The following PCBP3 variants were observed in gnomAD, a reference collection of about 807,000 sequenced individuals.
The protein encoded by PCBP3 is poly(rC)-binding protein 3.
PCBP3 carries 25 observed loss-of-function variants against 52.7 expected under a neutral mutation model. The observed-to-expected ratio is 0.47, with a 90% CI of 0.35 to 0.66. PCBP3 has a LOEUF of 0.66. Among genes scored for constraint, PCBP3 ranks in the 30% least tolerant of loss-of-function variants. The pLI, the probability that PCBP3 is intolerant of heterozygous loss-of-function variation, is 0.01. For missense variants in PCBP3, 391 were observed against 490.3 expected, an observed-to-expected ratio of 0.80 and a Z score of 1.91; for synonymous variants, 162 against 183.0, an observed-to-expected ratio of 0.89 and a Z score of 0.93.
intron 4 of PCBP3, among the ~76,000 whole-genome samples, chr21:45,826,805 C>A (rs2093320445): frequency 6.6e-6 from 1 of 152,208 alleles, no homozygotes. Flanking sequence ...AAACTCTGTT[C>A]TCTCTAACCA....
chr21:45,786,303 T>C (rs2146249269), intron 4 of PCBP3, among the ~76,000 whole-genome samples: 1 of 143,692 alleles, frequency 7.0e-6, no homozygotes, highest in East Asian at 2.1e-4. Context: ...TTTTTTTTTC[T>C]TTTTGAGATG....
At position 45,851,236 on chromosome 21, in the gene PCBP3, C is replaced by T. The variant is rs543210374; in HGVS notation, c.10+1141C>T. On this transcript the variant is annotated intron_variant, in intron 5 of 17. Coordinates refer to ENST00000681687, the MANE Select transcript of PCBP3 (RefSeq NM_001384156.1). ...CTTTGGTTAAAGAAAGTGGAAGGGC[C>T]GGGCGTGGTGGCTCACGCCTGTAAT... Among the ~76,000 whole-genome samples the T allele has an allele frequency of 7.9e-5, 12 of 152,258 alleles. No homozygotes were observed. The East Asian group carries it at 1.2e-3, about 15-fold the overall frequency.
chr21:45,839,492 C>G (rs1365612699), intron 4 of PCBP3, among the ~76,000 whole-genome samples: 1 of 152,162 alleles, frequency 6.6e-6, no homozygotes, highest in East Asian at 1.9e-4. Flanking sequence ...ATGGGCTCAT[C>G]AGAAAAATAT....
chr21:45,831,626 T>C (rs2093452512), intron 4 of PCBP3, among the ~76,000 whole-genome samples: 1 of 152,042 alleles, frequency 6.6e-6, no homozygotes, highest in Admixed American at 6.5e-5. Context: ...TGGAAGGGGG[T>C]CCCGATCCAG....
At chr21:45,816,140 A>AGTGGTGAGTCAGTGGTGAGTGGTGAGTG (rs1238383498) in intron 4 of PCBP3, among the ~76,000 whole-genome samples, 1 of 150,460 alleles carries the variant, frequency 6.6e-6, no homozygotes, top group African/African-American at 2.5e-5. Flanking sequence ...GTGGTGGGTG[A>AGTGGTGAGTCAGTGGTGAGTGGTGAGTG]GTGAGTGATG....
At chr21:45,810,316 G>A (rs960362156) in intron 4 of PCBP3, among the ~76,000 whole-genome samples, 63 of 151,848 alleles carry the variant, frequency 4.1e-4, no homozygotes, top group African/African-American at 1.3e-3. Flanking sequence ...CTCAGCTCAC[G>A]GCAGTCTCAG....
At chr21:45,777,031 C>A (rs547555111) in intron 4 of PCBP3, among the ~76,000 whole-genome samples, 1 of 152,216 alleles carries the variant, frequency 6.6e-6, no homozygotes, top group South Asian at 2.1e-4. Flanking sequence ...CATGTATTTT[C>A]ATGTTGGTAA....
intron 3 of PCBP3, among the ~76,000 whole-genome samples, chr21:45,740,934 G>T (rs901237795): frequency 3.5e-4 from 54 of 152,330 alleles, no homozygotes; most frequent in African/African-American, 1.2e-3. Flanking sequence ...TGGAAAGCTT[G>T]TCTGAGAAGG....
chr21:45,882,235 G>A (rs1419035479), intron 5 of PCBP3, among the ~76,000 whole-genome samples: 3 of 152,140 alleles, frequency 2.0e-5, no homozygotes, highest in Non-Finnish European at 4.4e-5. Context: ...GGTATGAGCC[G>A]ATATCCCATT....
chr21:45,694,617 G>A (rs866697977), intron 2 of PCBP3, among the ~76,000 whole-genome samples: 3 of 152,134 alleles, frequency 2.0e-5, no homozygotes, highest in African/African-American at 7.2e-5. Context: ...CACAATCATA[G>A]TTGAAAACTT....
chr21:45,867,695 G>A (rs1349931628), intron 5 of PCBP3, among the ~76,000 whole-genome samples: 2 of 152,278 alleles, frequency 1.3e-5, no homozygotes, highest in Non-Finnish European at 2.9e-5. Flanking sequence ...TGCGCCCATC[G>A]TGGAGACGGA....
intron 5 of PCBP3, among the ~76,000 whole-genome samples, chr21:45,864,987 C>T (rs1326648751): frequency 6.6e-6 from 1 of 152,226 alleles, no homozygotes; most frequent in East Asian, 1.9e-4. Flanking sequence ...CCACCAACTA[C>T]AGCCTTCAAA....
chr21:45,747,613 G>A (rs1193343093), intron 3 of PCBP3, among the ~76,000 whole-genome samples: 3 of 152,268 alleles, frequency 2.0e-5, no homozygotes, highest in East Asian at 1.9e-4. Flanking sequence ...GGGAAGACCT[G>A]GAGGTCTTGG....
At chr21:45,872,273 G>C (rs142773882) in intron 5 of PCBP3, 1 of 152,150 alleles carries the variant, frequency 6.6e-6, no homozygotes. Context: ...TCGGAGGCTC[G>C]TCTGCTTTTC....
intron 4 of PCBP3, among the ~76,000 whole-genome samples, chr21:45,765,653 C>T (rs979646385): frequency 2.6e-5 from 4 of 152,156 alleles, no homozygotes; most frequent in African/African-American, 4.8e-5. Flanking sequence ...CCTGAGGGGT[C>T]GGGGGCTTGT....
intron 13 of PCBP3, among the ~76,000 whole-genome samples, chr21:45,927,312 T>TCC (rs2075578081): frequency 5.6e-4 from 2 of 3,594 alleles, no homozygotes; most frequent in Non-Finnish European, 5.3e-4. Flanking sequence ...CCCCTCCCCT[T>TCC]CCTCCCTCTC....
intron 1 of PCBP3, among the ~76,000 whole-genome samples, chr21:45,665,026 G>C (rs527454001): frequency 5.9e-5 from 9 of 151,882 alleles, no homozygotes; most frequent in Admixed American, 3.9e-4. Flanking sequence ...TGTATTCCTA[G>C]GTATTTTATT....
At chr21:45,918,203 C>T (rs193139329) in intron 13 of PCBP3, 248 of 164,740 alleles carry the variant, frequency 1.5e-3, no homozygotes, top group African/African-American at 5.5e-3. Flanking sequence ...TCCTTGGCTC[C>T]GCCCGGGCCA....
chr21:45,685,420 C>T (rs933806537), intron 2 of PCBP3, among the ~76,000 whole-genome samples: 1 of 151,882 alleles, frequency 6.6e-6, no homozygotes, highest in Non-Finnish European at 1.5e-5. Flanking sequence ...TATTTTACCA[C>T]CACTAAAAAA....
Sources: gnomAD v4.1 joint callset for allele counts (sites outside exome capture counted in the v4.1 genomes callset) on GRCh38, gnomAD v4.1.1 for gene constraint, MANE v1.5 for transcripts, NCBI Gene and HGNC (gene_info 2026-07-23, HGNC 2026-07-21) for gene names.